Variants in PTCHD4 observed in about 807,000 individuals in gnomAD.
PTCHD4 encodes the protein patched domain-containing protein 4.
A neutral mutation model predicts 58.1 loss-of-function variants in PTCHD4; 33 were observed. That is an observed-to-expected ratio of 0.57 (90% CI 0.43 to 0.76). The LOEUF (loss-of-function observed/expected upper bound fraction) is 0.76, where lower values mean the gene tolerates loss of function less well. Among genes scored for constraint, PTCHD4 ranks in the 30% least tolerant of loss-of-function variants. The pLI is 0.00. For synonymous variants in PTCHD4, 478 were observed against 409.6 expected, an observed-to-expected ratio of 1.17 and a Z score of -2.02; for missense variants, 1,058 against 1,027.1, an observed-to-expected ratio of 1.03 and a Z score of -0.41.
At chr6:47,973,415 A>G (rs1301195654) in intron 4 of PTCHD4, among the ~76,000 whole-genome samples, 2 of 152,230 alleles carry the variant, frequency 1.3e-5, no homozygotes, top group Non-Finnish European at 2.9e-5. Context: ...TCACCAACAA[A>G]AATGACAATA....
intron 3 of PTCHD4, among the ~76,000 whole-genome samples, chr6:48,013,625 TC>T (rs1383081302): frequency 6.6e-6 from 1 of 152,010 alleles, no homozygotes; most frequent in Non-Finnish European, 1.5e-5. Flanking sequence ...CACTAATTGA[TC>T]CCCAATTAGG....
At chr6:48,086,861 A>G (rs1562044795) in intron 1 of PTCHD4, among the ~76,000 whole-genome samples, 2 of 152,190 alleles carry the variant, frequency 1.3e-5, no homozygotes, top group African/African-American at 2.4e-5. Flanking sequence ...ACAAATGTTA[A>G]TATCTGTCCT....
At position 47,927,918 on chromosome 6, in the gene PTCHD4, C is replaced by A. The variant is rs189815165; in HGVS notation, c.899-47982G>T. On this transcript the variant is annotated intron_variant, in intron 4 of 4. Transcript: ENST00000339488. ...GATTACAGACATGAGCCACTGTACC[C>A]ATCCTATTTCTTATTTTTTGATCTC... Among the ~76,000 whole-genome samples, 740 of 151,960 alleles carry A rather than the reference C, an allele frequency of 4.9e-3. 6 individuals carry two copies. The highest frequency in any genetic ancestry group is 0.017 in the African/African-American group (698 of 41,472).
intron 1 of PTCHD4, among the ~76,000 whole-genome samples, chr6:48,109,195 A>G (rs1765810094): frequency 6.6e-6 from 1 of 152,154 alleles, no homozygotes; most frequent in African/African-American, 2.4e-5. Context: ...TGAGTTGTCT[A>G]ATAATTCTTT....
At chr6:47,988,070 C>A (rs1768139411) in intron 4 of PTCHD4, among the ~76,000 whole-genome samples, 1 of 152,138 alleles carries the variant, frequency 6.6e-6, no homozygotes, top group Admixed American at 6.6e-5. Flanking sequence ...AGCCACTGTG[C>A]CTGACCCCAG....
chr6:47,976,655 AAAATAAATAAATAAATAAATAAAT>A (rs141002670), intron 4 of PTCHD4, among the ~76,000 whole-genome samples: 1 of 142,572 alleles, frequency 7.0e-6, no homozygotes, highest in Non-Finnish European at 1.5e-5. Context: ...ACTCCATATC[AAAATAAATAAATAAATAAATAAAT>A]AAATAAATAA....
At chr6:47,885,612 C>T (rs1447549890) in intron 4 of PTCHD4, among the ~76,000 whole-genome samples, 1 of 152,122 alleles carries the variant, frequency 6.6e-6, no homozygotes, top group African/African-American at 2.4e-5. Context: ...GTTATAATTC[C>T]GTTTGAGCTT....
chr6:48,106,706 T>C (rs527350611), intron 1 of PTCHD4, among the ~76,000 whole-genome samples: 3 of 152,164 alleles, frequency 2.0e-5, no homozygotes, highest in Non-Finnish European at 4.4e-5. Flanking sequence ...GAAAACCCCA[T>C]TGTCTCAGCC....
intron 4 of PTCHD4, among the ~76,000 whole-genome samples, chr6:47,923,003 T>C (rs912846688): frequency 1.3e-5 from 2 of 152,186 alleles, no homozygotes; most frequent in Non-Finnish European, 1.5e-5. Context: ...TTGGTACATA[T>C]TTGGTTCTTA....
rs1468252094 is a variant in PTCHD4, at chr6:48,068,683, C to G, written c.6-42G>C. On this transcript the variant is annotated intron_variant, in intron 2 of 4. Transcript: ENST00000339488. This position sits in a 1 kb window ranked among gnomAD's most constrained non-coding sequence, Gnocchi z 4.2. The stretch of plus-strand genomic sequence containing the variant: ...GACATGTGTAAGCGCCGGGCTACCC[C>G]GTTCTCCCCCATCCCACCCCCTGGG... 2.0e-6 allele frequency: 3 copies of G among 1,500,722 alleles called. No individual in the cohort carries two copies. Among genetic ancestry groups the G allele is most frequent in the Non-Finnish European group, 1.8e-6 (2 of 1,127,994 alleles). The allele number at this position is 1,500,722 out of a possible 1,614,324, so 93.0% of individuals were successfully genotyped here.
chr6:48,104,906 C>A (rs1019562873), intron 1 of PTCHD4, among the ~76,000 whole-genome samples: 8 of 152,150 alleles, frequency 5.3e-5, no homozygotes, highest in Non-Finnish European at 1.2e-4. Flanking sequence ...AACTAACTAT[C>A]CTAAATATAT....
At chr6:47,898,330 C>A (rs541868889) in intron 4 of PTCHD4, among the ~76,000 whole-genome samples, 1 of 152,242 alleles carries the variant, frequency 6.6e-6, no homozygotes, top group East Asian at 1.9e-4. Flanking sequence ...TTTTGGGTAA[C>A]CTCCAGAGAC....
At chr6:48,049,527 T>C (rs1474528411) in intron 3 of PTCHD4, among the ~76,000 whole-genome samples, 2 of 151,928 alleles carry the variant, frequency 1.3e-5, no homozygotes, top group East Asian at 3.9e-4. Context: ...GGTTCTTCTT[T>C]TGTGCAAAGT....
rs765155039 is a variant in PTCHD4, at chr6:47,879,740, A to G, written c.1095T>C (p.Cys365=). The G allele has an allele frequency of 1.2e-6, 2 of 1,613,706 alleles. No individual in the cohort carries two copies. Among genetic ancestry groups the G allele is most frequent in the Admixed American group, 3.3e-5 (2 of 59,930 alleles). ...FTNIEAVKVF[C]QNMCVSILLN... is the part of the protein sequence containing the mutation. ...ACAGAATAGAGACACACATGTTTTG[A>G]CAGAAGACCTTCACAGCCTCTATGT... Residue 365 remains cysteine, a synonymous_variant, in exon 5 of 5, where the codon TGT becomes TGC. Coordinates refer to ENST00000339488, the MANE Select transcript of PTCHD4 (RefSeq NM_001384253.1).
chr6:48,097,278 T>G (rs1330221170), intron 1 of PTCHD4, among the ~76,000 whole-genome samples: 1 of 152,146 alleles, frequency 6.6e-6, no homozygotes, highest in East Asian at 1.9e-4. Flanking sequence ...ATCTTTTTAT[T>G]GTTAAGATGT....
chr6:47,916,172 G>A (rs1765237574), intron 4 of PTCHD4, among the ~76,000 whole-genome samples: 1 of 152,096 alleles, frequency 6.6e-6, no homozygotes. Context: ...CTCAAGATAA[G>A]AGGATGCTGA....
chr6:47,901,052 G>A (rs1334657566), intron 4 of PTCHD4: 1 of 150,970 alleles, frequency 6.6e-6, no homozygotes, highest in Non-Finnish European at 1.5e-5. Flanking sequence ...TACTCGGGAG[G>A]CTGAGGCAGG....
intron 4 of PTCHD4, among the ~76,000 whole-genome samples, chr6:48,000,794 C>T (rs1768690182): frequency 6.6e-6 from 1 of 152,162 alleles, no homozygotes; most frequent in Non-Finnish European, 1.5e-5. Context: ...AGTCCCTTTC[C>T]TACTCAGTGG....
chr6:48,039,524 T>C (rs1481438945), intron 3 of PTCHD4, among the ~76,000 whole-genome samples: 1 of 152,128 alleles, frequency 6.6e-6, no homozygotes, highest in Non-Finnish European at 1.5e-5. Context: ...GTTTTAACCT[T>C]GGTGGTGTTT....
Sources: gnomAD v4.1 joint callset for allele counts (sites outside exome capture counted in the v4.1 genomes callset) on GRCh38, gnomAD v4.1.1 for gene constraint, Gnocchi (gnomAD v3.1) non-coding constraint, MANE v1.5 for transcripts, NCBI Gene and HGNC (gene_info 2026-07-23, HGNC 2026-07-21) for gene names.